ELK3: variants seen among roughly 807,000 people sequenced by gnomAD.
ELK3 encodes the protein ETS domain-containing protein Elk-3.
Under a neutral mutation model 28.9 loss-of-function variants are expected in ELK3, and 10 were observed. The ratio of observed to expected loss-of-function variants is 0.35; its 90% CI spans 0.21 to 0.59. ELK3 has a LOEUF of 0.59. Among genes scored for constraint, ELK3 ranks in the 20% least tolerant of loss-of-function variants. The pLI is 0.82. For synonymous variants in ELK3, 272 were observed against 243.5 expected (o/e 1.12, Z -1.09); for missense variants, 463 against 517.3 (o/e 0.90, Z 1.02).
intron 3 of ELK3, among the ~76,000 whole-genome samples, chr12:96,251,805 G>T (rs2137036609): frequency 1.3e-5 from 2 of 152,344 alleles, no homozygotes; most frequent in South Asian, 4.1e-4. Context: ...GCTAGCAGAG[G>T]TTGGTTCATG....
At chr12:96,246,296 C>G (rs541274059) in intron 2 of ELK3, among the ~76,000 whole-genome samples, 1 of 152,172 alleles carries the variant, frequency 6.6e-6, no homozygotes, top group African/African-American at 2.4e-5. Flanking sequence ...AGTCACAACA[C>G]CTTCCTTTTA....
chr12:96,231,730 C>T (rs12824103), intron 2 of ELK3, among the ~76,000 whole-genome samples: 31,819 of 152,064 alleles, frequency 0.21, 3,705 homozygotes, highest in African/African-American at 0.31. Flanking sequence ...GTGATCTGCT[C>T]GCCTCGGCCT....
intron 2 of ELK3, among the ~76,000 whole-genome samples, chr12:96,234,084 A>G (rs1052614046): frequency 1.3e-5 from 2 of 152,152 alleles, no homozygotes; most frequent in Non-Finnish European, 1.5e-5. Context: ...ATCTGGTCAC[A>G]TTGTGCCGGG....
rs775680362 is a variant in ELK3, at chr12:96,267,078, A to G, written c.1126-4A>G. ...TTATTGTAAAAATCTTTTGTCCCCT[A>G]CAGTTCCCCACACTGCTTAATGGCC... On this transcript the variant is annotated splice_region_variant and splice_polypyrimidine_tract_variant and intron_variant, in intron 4 of 4. Coordinates refer to ENST00000228741, the MANE Select transcript of ELK3 (RefSeq NM_005230.4). 39 of 1,608,942 alleles carry G rather than the reference A, an allele frequency of 2.4e-5. 1 individual carries two copies. The African/African-American group carries it at 2.7e-4, about 11-fold the overall frequency.
intron 1 of ELK3, among the ~76,000 whole-genome samples, chr12:96,207,350 CT>C (rs1180103926): frequency 1.3e-5 from 2 of 152,178 alleles, no homozygotes; most frequent in African/African-American, 2.4e-5. Context: ...GAGGGTAAAG[CT>C]ATTCAAGGGC....
intron 1 of ELK3, among the ~76,000 whole-genome samples, chr12:96,198,647 T>C (rs1042018433): frequency 6.6e-5 from 10 of 152,190 alleles, no homozygotes; most frequent in Non-Finnish European, 1.5e-4. Flanking sequence ...TTGTTTTTTT[T>C]CCTATTGTAA....
At chr12:96,251,918 C>A (rs920310041) in intron 3 of ELK3, among the ~76,000 whole-genome samples, 3 of 152,232 alleles carry the variant, frequency 2.0e-5, no homozygotes, top group African/African-American at 7.2e-5. Context: ...TCTAGCTACG[C>A]TCATTGATGA....
At chr12:96,263,290 C>T (rs774412058) in intron 4 of ELK3, among the ~76,000 whole-genome samples, 11 of 151,992 alleles carry the variant, frequency 7.2e-5, no homozygotes, top group Non-Finnish European at 1.3e-4. Flanking sequence ...AGAGAGGCAC[C>T]GAAGACATTG....
chr12:96,253,957 A>G (rs575237964), intron 3 of ELK3, among the ~76,000 whole-genome samples: 2 of 152,378 alleles, frequency 1.3e-5, no homozygotes, highest in African/African-American at 4.8e-5. Flanking sequence ...ACATAGGGTT[A>G]TAATTTAGGG....
chr12:96,207,603 C>A (rs1565777632), intron 1 of ELK3, among the ~76,000 whole-genome samples: 1 of 152,190 alleles, frequency 6.6e-6, no homozygotes, highest in African/African-American at 2.4e-5. Context: ...TAACCAGTTC[C>A]TTGCTTCAGG....
In ELK3 at chr12:96,247,948, C is replaced by T. The variant is rs1027159653; in HGVS notation, c.1002+214C>T. ...TTGGTTTGTCGACTCTAGTGGGATG[C>T]TTGATTGGTTTCTTGCTTTTAGCGG... On this transcript the variant is annotated intron_variant, in intron 3 of 4. Coordinates refer to ENST00000228741, the MANE Select transcript of ELK3 (RefSeq NM_005230.4). This position sits in a 1 kb window ranked among gnomAD's most constrained non-coding sequence, Gnocchi z 5.5. 1.3e-5 allele frequency among the ~76,000 whole-genome samples: 2 copies of T among 152,156 alleles called. No homozygotes were observed. Among genetic ancestry groups the T allele is most frequent in the African/African-American group, 4.8e-5 (2 of 41,448 alleles).
rs1036147228 is a variant in ELK3, at chr12:96,251,569, T to G, written c.1002+3835T>G. Among the ~76,000 whole-genome samples, 5 of 151,694 alleles carry G rather than the reference T, an allele frequency of 3.3e-5. No individual in the cohort carries two copies. In the South Asian group the frequency reaches 1.1e-3, roughly 32 times the overall value. On this transcript the variant is annotated intron_variant, in intron 3 of 4. Transcript: ENST00000228741. ...CTCTTATACCAGTTAAGTATGTAAATGTAAAGGAAGAGTTCCTGAAGGAAA... is the reference window on the plus strand; with the variant it reads ...CTCTTATACCAGTTAAGTATGTAAAGGTAAAGGAAGAGTTCCTGAAGGAAA...
chr12:96,249,573 T>C (rs1040436963), intron 3 of ELK3, among the ~76,000 whole-genome samples: 3 of 152,200 alleles, frequency 2.0e-5, no homozygotes, highest in African/African-American at 7.2e-5. Context: ...GTAGATGATC[T>C]GAGCATCTCC....
At chr12:96,201,580 CAAAA>C (rs11298632) in intron 1 of ELK3, among the ~76,000 whole-genome samples, 8 of 82,884 alleles carry the variant, frequency 9.7e-5, no homozygotes, top group Admixed American at 1.3e-4. Flanking sequence ...AACCCTGTCT[CAAAA>C]AAAAAAAAAA....
chr12:96,263,322 C>G (rs1024774304), intron 4 of ELK3, among the ~76,000 whole-genome samples: 2 of 152,068 alleles, frequency 1.3e-5, no homozygotes, highest in African/African-American at 2.4e-5. Context: ...AACAAAGAAC[C>G]TTGATTTATA....
chr12:96,263,529 C>A (rs1952008491), intron 4 of ELK3, among the ~76,000 whole-genome samples: 1 of 152,206 alleles, frequency 6.6e-6, no homozygotes, highest in African/African-American at 2.4e-5. Flanking sequence ...TTCAACAAAT[C>A]TAACCCCAGC....
intron 2 of ELK3, among the ~76,000 whole-genome samples, chr12:96,239,925 G>A (rs1162213214): frequency 6.6e-6 from 1 of 152,262 alleles, no homozygotes; most frequent in Non-Finnish European, 1.5e-5. Flanking sequence ...CTCGCCTGTA[G>A]GCTGCGGCCA....
chr12:96,232,396 C>G (rs983666394), intron 2 of ELK3, among the ~76,000 whole-genome samples: 1 of 151,590 alleles, frequency 6.6e-6, no homozygotes, highest in Non-Finnish European at 1.5e-5. Flanking sequence ...TGGTGAAAAC[C>G]CCGTCTCTAC....
At chr12:96,245,011 C>T (rs1951846866) in intron 2 of ELK3, among the ~76,000 whole-genome samples, 1 of 152,058 alleles carries the variant, frequency 6.6e-6, no homozygotes. Flanking sequence ...GTGGGAGCTC[C>T]AGGATGCAGC....
Sources: allele counts gnomAD v4.1 joint callset (sites outside exome capture counted in the v4.1 genomes callset), GRCh38; gene constraint gnomAD v4.1.1; non-coding constraint Gnocchi (gnomAD v3.1); transcripts MANE v1.5; gene names NCBI Gene and HGNC (gene_info 2026-07-23, HGNC 2026-07-21).